TRAFD1: variants seen among roughly 807,000 people sequenced by gnomAD.
TRAFD1 encodes TRAF-type zinc finger domain-containing protein 1.
TRAFD1 carries 38 observed loss-of-function variants against 65.3 expected under a neutral mutation model. That is an observed-to-expected ratio of 0.58 (90% confidence interval 0.45 to 0.76). The LOEUF (loss-of-function observed/expected upper bound fraction) is 0.76, where lower values mean the gene tolerates loss of function less well. Among genes scored for constraint, TRAFD1 ranks in the 30% least tolerant of loss-of-function variants. The pLI, the probability that TRAFD1 is intolerant of heterozygous loss-of-function variation, is 0.00. For missense variants in TRAFD1, 631 were observed against 712.6 expected, an observed-to-expected ratio of 0.89 and a Z score of 1.30; for synonymous variants, 223 against 257.2, an observed-to-expected ratio of 0.87 and a Z score of 1.27.
chr12:112,145,742 G>C, intron 7 of TRAFD1, 80 bp downstream of exon 7: 2 of 1,268,914 alleles, frequency 1.6e-6, no homozygotes, highest in East Asian at 2.3e-5. Context: ...ATGAGGCCTT[G>C]AACAAATCAT....
chr12:112,150,459 G>C (rs1281291374), intron 9 of TRAFD1, among the ~76,000 whole-genome samples: 1 of 152,154 alleles, frequency 6.6e-6, no homozygotes, highest in African/African-American at 2.4e-5. Context: ...ATGTTGCCCA[G>C]GGTGATTTCG....
Position 112,139,686 on chromosome 12 carries a change from G to T in TRAFD1, c.238-1133G>T, listed in dbSNP as rs868326859. ...GATCTGCCTGCCTTGGCCTCCCAAA[G>T]TGCTGGGATTACAGGCGTGGGCCAT... On this transcript the variant is annotated intron_variant, in intron 4 of 11. Coordinates refer to ENST00000412615, the MANE Select transcript of TRAFD1 (RefSeq NM_006700.3). Among the ~76,000 whole-genome samples the T allele has an allele frequency of 5.9e-5, 9 of 152,228 alleles. No homozygotes were observed. The South Asian group carries it at 8.3e-4, about 14-fold the overall frequency.
At chr12:112,127,055 A>C (rs1263039018) in intron 1 of TRAFD1, among the ~76,000 whole-genome samples, 1 of 152,208 alleles carries the variant, frequency 6.6e-6, no homozygotes, top group Non-Finnish European at 1.5e-5. Context: ...GTCTGATATG[A>C]CAAGACCTTC....
At chr12:112,127,905 T>C (rs2079548724) in intron 1 of TRAFD1, among the ~76,000 whole-genome samples, 1 of 151,090 alleles carries the variant, frequency 6.6e-6, no homozygotes, top group African/African-American at 2.4e-5. Flanking sequence ...GGTCTTACTA[T>C]GTTTCCTGGC....
Position 112,152,778 on chromosome 12 carries a change from A to T in TRAFD1, c.1736A>T (p.Glu579Val), listed in dbSNP as rs1311578219. The change falls in exon 12 of 12, where the codon GAA becomes GTA. Residue 579 changes from glutamate to valine, a missense_variant. Transcript: ENST00000412615. The surrounding 1 kb of genome is among the most constrained non-coding windows in gnomAD (Gnocchi z 5.0). The part of the protein sequence containing the change: ...KQQGAGDAEE[E>V]EEE Reference sequence around the variant, plus strand: ...CAGGGAGCTGGGGATGCAGAAGAGGAAGAGGAGGAGTAATGGTGTCTCCAG... The same window carrying T: ...CAGGGAGCTGGGGATGCAGAAGAGGTAGAGGAGGAGTAATGGTGTCTCCAG... 1 of 1,614,148 alleles carries T rather than the reference A, an allele frequency of 6.2e-7. No homozygotes were observed. The highest frequency in any genetic ancestry group is 8.5e-7 in the Non-Finnish European group (1 of 1,180,034).
rs1251003434 is a variant in TRAFD1, at chr12:112,142,122, G to A, written c.677G>A (p.Gly226Asp). 14 of 1,613,766 alleles carry A rather than the reference G, an allele frequency of 8.7e-6. No homozygotes were observed. Among genetic ancestry groups the A allele is most frequent in the Non-Finnish European group, 1.2e-5 (14 of 1,179,940 alleles). Residue 226 changes from glycine (G) to aspartate (D), a missense_variant, in exon 6 of 12, where the codon GGC becomes GAC. Gly to Asp is a moderately conservative substitution (Grantham distance 94). Transcript: ENST00000412615. ...CAAGAGAGGCAGGAAAGGAATAGAG[G>A]CCAACAGCCCCCCAAAGAGGGTGGT... ...EEQERQERNR[G>D]QQPPKEGGEE...
rs978656111 is a variant in TRAFD1 at position 112,137,622 on chromosome 12, C to T, written c.237+2556C>T. ...CTAAAAATACATAAAATTAGCTGGG[C>T]GTGGTGGCGGGCGCCTATAGTCCCA... On this transcript the variant is annotated intron_variant, in intron 4 of 11. Coordinates refer to ENST00000412615, the MANE Select transcript of TRAFD1 (RefSeq NM_006700.3). The surrounding 1 kb of genome is among the most constrained non-coding windows in gnomAD (Gnocchi z 4.2). Among the ~76,000 whole-genome samples, 4 of 152,004 alleles carry T rather than the reference C, an allele frequency of 2.6e-5. No homozygotes were observed. Among genetic ancestry groups the T allele is most frequent in the Admixed American group, 6.6e-5 (1 of 15,256 alleles).
chr12:112,127,041 TTCTG>T (rs1466705955), intron 1 of TRAFD1, among the ~76,000 whole-genome samples: 2 of 152,218 alleles, frequency 1.3e-5, no homozygotes, highest in African/African-American at 4.8e-5. Flanking sequence ...CCAATATTCT[TTCTG>T]TCTGATATGA....
chr12:112,131,616 C>T (rs1377882633), intron 2 of TRAFD1, among the ~76,000 whole-genome samples: 1 of 152,186 alleles, frequency 6.6e-6, no homozygotes, highest in Non-Finnish European at 1.5e-5. Context: ...AATGAAATTT[C>T]ACCTCTAATT....
rs886482603 is a variant in TRAFD1 at position 112,152,633 on chromosome 12, A to G, written c.1693-102A>G. ...AAGATTGTTCCTTTGGCTTTTGAGA[A>G]GGAGGTTTCTAAGGAAGCGGGACAT... is the stretch of plus-strand genomic sequence containing the variant. On this transcript the variant is annotated intron_variant, in intron 11 of 11. Transcript: ENST00000412615. The surrounding 1 kb of genome is among the most constrained non-coding windows in gnomAD (Gnocchi z 5.0). 1.9e-6 allele frequency: 3 copies of G among 1,600,054 alleles called. No homozygotes were observed. The Admixed American group carries it at 5.1e-5, about 27-fold the overall frequency.
At chr12:112,132,123 T>C (rs1049033050) in intron 2 of TRAFD1, among the ~76,000 whole-genome samples, 3 of 152,204 alleles carry the variant, frequency 2.0e-5, no homozygotes, top group Non-Finnish European at 4.4e-5. Context: ...ACCCAGGTTT[T>C]CTACACCCTA....
chr12:112,151,689 C>G (rs1209778333), intron 9 of TRAFD1, 112 bp from the exon 10 acceptor site: 3 of 1,069,188 alleles, frequency 2.8e-6, no homozygotes, highest in Non-Finnish European at 2.7e-6. Context: ...TGAGCCACCA[C>G]GCCTGGCTGA....
At chr12:112,150,019 G>A (rs893192407) in intron 9 of TRAFD1, 148 bp downstream of exon 9, 2 of 1,153,608 alleles carry the variant, frequency 1.7e-6, no homozygotes, top group Admixed American at 5.6e-5. Flanking sequence ...CTCCTCTGCA[G>A]GTAGTTGTGG....
In TRAFD1 at chr12:112,151,106, C is replaced by CGGGCGCGGTGGT. The variant is rs972976536; in HGVS notation, c.1280-689_1280-688insGGTGGTGGGCGC. 4.0e-5 allele frequency among the ~76,000 whole-genome samples: 6 copies of CGGGCGCGGTGGT among 151,824 alleles called. 1 individual carries two copies. The highest frequency in any genetic ancestry group is 1.4e-4 in the African/African-American group (6 of 41,432). ...TACAAAAATTAGCCGGGCGTGGTGG[C>CGGGCGCGGTGGT]GGGCGCCAGTAGTCCCAGCTACTTG... On this transcript the variant is annotated intron_variant, in intron 9 of 11. Transcript: ENST00000412615.
intron 4 of TRAFD1, chr12:112,140,139 G>A: frequency 5.9e-6 from 2 of 340,474 alleles, no homozygotes; most frequent in East Asian, 1.1e-4. Flanking sequence ...CTGAATTGGA[G>A]GCCGGGCGTG....
In TRAFD1 at chr12:112,151,990, A is replaced by G. The variant is rs772340471; in HGVS notation, c.1469A>G (p.Asp490Gly). Residue 490 changes from aspartate (D) to glycine (G), a missense_variant, in exon 10 of 12, where the codon GAC (aspartate) becomes GGC (glycine). Physicochemically the swap from Asp to Gly is moderately conservative, Grantham distance 94 (BLOSUM62 -1). Transcript: ENST00000412615. ...TGTGTGCCGAAGCTCAGCAACTCAG[A>G]CAGCCAGGACATCCAGGGGCGGAAT... The part of the protein sequence containing the change: ...SPCVPKLSNS[D>G]SQDIQGRNRD... 1.9e-6 allele frequency: 3 copies of G among 1,614,232 alleles called. No homozygotes were observed. In the South Asian group the frequency reaches 3.3e-5, roughly 18 times the overall value.
At chr12:112,146,155 A>G (rs954464876) in intron 7 of TRAFD1, among the ~76,000 whole-genome samples, 2 of 150,450 alleles carry the variant, frequency 1.3e-5, no homozygotes, top group African/African-American at 2.5e-5. Flanking sequence ...TGTACCCTAA[A>G]ACTTAAAGTA....
intron 1 of TRAFD1, chr12:112,125,978 G>T (rs1286817794): frequency 6.6e-6 from 1 of 152,260 alleles, no homozygotes; most frequent in African/African-American, 2.4e-5. Flanking sequence ...CGGCGTGGGG[G>T]GTCGCGAGTG....
intron 8 of TRAFD1, chr12:112,149,383 A>C (rs967285336): frequency 5.2e-6 from 1 of 193,848 alleles, no homozygotes; most frequent in African/African-American, 2.4e-5. Context: ...GTAGTGAGTT[A>C]TCTCAGTTGA....
Sources: allele counts gnomAD v4.1 joint callset (sites outside exome capture counted in the v4.1 genomes callset), GRCh38; gene constraint gnomAD v4.1.1; non-coding constraint Gnocchi (gnomAD v3.1); transcripts MANE v1.5; gene names NCBI Gene and HGNC (gene_info 2026-07-23, HGNC 2026-07-21).